Variants in PLD1 observed in about 807,000 individuals in gnomAD.
PLD1 encodes the protein phospholipase D1, also known as choline phosphatase 1.
Under a neutral mutation model 137.1 loss-of-function variants are expected in PLD1, and 112 were observed. The observed-to-expected ratio is 0.82, with a 90% CI of 0.70 to 0.96. The LOEUF (loss-of-function observed/expected upper bound fraction) is 0.96. Ranked by LOEUF, PLD1 falls within the 40% of genes least tolerant of loss-of-function variation. PLD1 has a pLI of 0.00. For missense variants in PLD1, 1,321 were observed against 1,342.0 expected (o/e 0.98, Z 0.24); for synonymous variants, 431 against 454.7 (o/e 0.95, Z 0.66).
intron 23 of PLD1, among the ~76,000 whole-genome samples, chr3:171,625,754 A>G (rs546560743): frequency 2.7e-4 from 41 of 152,266 alleles, no homozygotes; most frequent in African/African-American, 9.6e-4. Context: ...TCTGGAGTGG[A>G]CCTCTAGCAA....
At chr3:171,639,405 T>G (rs1277779467) in intron 23 of PLD1, among the ~76,000 whole-genome samples, 18 of 126,366 alleles carry the variant, frequency 1.4e-4, no homozygotes, top group Admixed American at 7.0e-4. Context: ...ATTATATATT[T>G]ATATATAATT....
intron 1 of PLD1, among the ~76,000 whole-genome samples, chr3:171,749,566 A>G (rs1219469111): frequency 6.6e-6 from 1 of 152,236 alleles, no homozygotes; most frequent in Admixed American, 6.5e-5. Flanking sequence ...AGATAATTAC[A>G]TATTCTGGAA....
intron 1 of PLD1, among the ~76,000 whole-genome samples, chr3:171,758,434 C>A (rs1721176294): frequency 6.6e-6 from 1 of 152,168 alleles, no homozygotes. Flanking sequence ...GCTCACCTTT[C>A]CCCACCATCT....
rs546687315 is a variant in PLD1, at chr3:171,763,364, G to A, written c.-31-25282C>T. Among the ~76,000 whole-genome samples, 30 of 150,274 alleles carry A rather than the reference G, an allele frequency of 2.0e-4. No individual in the cohort carries two copies. In the South Asian group the frequency reaches 3.5e-3, roughly 17 times the overall value. On this transcript the variant is annotated intron_variant, in intron 1 of 26. Transcript: ENST00000351298. ...CTTGAGCCCAGGAGGTCAAGGCTGC[G>A]GTGAAGTTTGATGACACCACTGCAC...
intron 3 of PLD1, among the ~76,000 whole-genome samples, chr3:171,736,072 G>A (rs937901120): frequency 6.6e-6 from 1 of 152,096 alleles, no homozygotes; most frequent in Admixed American, 6.5e-5. Flanking sequence ...GGCTGTTTTT[G>A]TTCTTCAGAA....
At chr3:171,678,541 A>G (rs949405086) in intron 16 of PLD1, among the ~76,000 whole-genome samples, 2 of 152,228 alleles carry the variant, frequency 1.3e-5, no homozygotes, top group African/African-American at 4.8e-5. Flanking sequence ...CAAACGCAGC[A>G]CTTGGCACAA....
chr3:171,807,629 C>T (rs1311921417), intron 1 of PLD1, among the ~76,000 whole-genome samples: 5 of 152,118 alleles, frequency 3.3e-5, no homozygotes, highest in Non-Finnish European at 7.4e-5. Context: ...TCGGTTGGAA[C>T]GTAAATTAGT....
At chr3:171,642,008 CACAAAGATATAGA>C (rs1176754552) in intron 23 of PLD1, among the ~76,000 whole-genome samples, 19 of 152,122 alleles carry the variant, frequency 1.2e-4, no homozygotes, top group Non-Finnish European at 1.9e-4. Flanking sequence ...TGTAATGATA[CACAAAGATATAGA>C]GCAAAGATAT....
chr3:171,642,820 GA>G lies in PLD1; in HGVS notation c.2593+19del. The G allele has an allele frequency of 6.9e-6, 10 of 1,455,650 alleles. No homozygotes were observed. In the Admixed American group the frequency reaches 7.7e-5, roughly 11 times the overall value. 90.2% of individuals were successfully genotyped at this position (1,455,650 alleles called of 1,614,324 possible). A position where few individuals can be genotyped will look rare whatever the true frequency, so the allele number is the denominator to read the frequency against. ...TTCATAATAAAAAACAATGATATGA[GA>G]AAAAAAGCAGTTACTTACGCTCTGC... On this transcript the variant is annotated intron_variant, in intron 23 of 26. Coordinates refer to ENST00000351298, the MANE Select transcript of PLD1 (RefSeq NM_002662.5).
At chr3:171,629,595 C>T (rs1254572081) in intron 23 of PLD1, among the ~76,000 whole-genome samples, 1 of 152,128 alleles carries the variant, frequency 6.6e-6, no homozygotes, top group Admixed American at 6.5e-5. Context: ...AGGCATCATG[C>T]TACCTGACTT....
intron 16 of PLD1, among the ~76,000 whole-genome samples, chr3:171,685,835 C>T (rs1168703371): frequency 2.0e-5 from 3 of 152,112 alleles, no homozygotes; most frequent in Non-Finnish European, 4.4e-5. Context: ...AGATTTTTAA[C>T]TGGCCAGGAG....
At chr3:171,656,419 C>T (rs1253757026) in intron 21 of PLD1, among the ~76,000 whole-genome samples, 4 of 152,192 alleles carry the variant, frequency 2.6e-5, no homozygotes, top group Non-Finnish European at 5.9e-5. Context: ...GATCCACCCG[C>T]CTCAGCCTCC....
intron 1 of PLD1, chr3:171,789,931 C>A (rs968531616): frequency 1.3e-5 from 2 of 152,212 alleles, no homozygotes; most frequent in Non-Finnish European, 1.5e-5. Context: ...TTGTAGGCTT[C>A]CACGTAGGGT....
chr3:171,776,660 A>G (rs979148736), intron 1 of PLD1, among the ~76,000 whole-genome samples: 4 of 152,126 alleles, frequency 2.6e-5, no homozygotes, highest in Non-Finnish European at 4.4e-5. Flanking sequence ...AACGGCACCT[A>G]TTGTCTTCAC....
intron 1 of PLD1, among the ~76,000 whole-genome samples, chr3:171,740,134 A>G (rs1164274753): frequency 1.3e-5 from 2 of 152,180 alleles, no homozygotes; most frequent in African/African-American, 4.8e-5. Context: ...AGATGCCATA[A>G]AAGTATTCAG....
chr3:171,638,184 CAAAAA>C (rs1040418705), intron 23 of PLD1, among the ~76,000 whole-genome samples: 1 of 66,816 alleles, frequency 1.5e-5, no homozygotes, highest in Non-Finnish European at 3.0e-5. Flanking sequence ...GACTCCGTCT[CAAAAA>C]AAAAAAAAAA....
At chr3:171,706,231 T>A (rs1435133328) in intron 11 of PLD1, among the ~76,000 whole-genome samples, 1 of 151,986 alleles carries the variant, frequency 6.6e-6, no homozygotes, top group African/African-American at 2.4e-5. Flanking sequence ...TACCCTTTCT[T>A]TCTTTTCCCT....
At chr3:171,679,765 T>C (rs978157031) in intron 16 of PLD1, among the ~76,000 whole-genome samples, 1 of 152,254 alleles carries the variant, frequency 6.6e-6, no homozygotes, top group Non-Finnish European at 1.5e-5. Context: ...GCCTAAAAAC[T>C]ATTCCACATA....
At chr3:171,756,826 C>T (rs1721064709) in intron 1 of PLD1, among the ~76,000 whole-genome samples, 2 of 152,132 alleles carry the variant, frequency 1.3e-5, no homozygotes, top group Non-Finnish European at 2.9e-5. Flanking sequence ...AAGGGAACAA[C>T]GTGCTAGCAA....
Sources: allele counts gnomAD v4.1 joint callset (sites outside exome capture counted in the v4.1 genomes callset), GRCh38; gene constraint gnomAD v4.1.1; transcripts MANE v1.5; gene names NCBI Gene and HGNC (gene_info 2026-07-23, HGNC 2026-07-21).